The following GABRB1 variants were observed in gnomAD, a reference collection of about 807,000 sequenced individuals.
GABRB1 encodes the protein gamma-aminobutyric acid receptor subunit beta-1.
In GABRB1, 17 loss-of-function variants were observed where a neutral mutation model predicts 51.6. That is an observed-to-expected ratio of 0.33 (90% CI 0.23 to 0.49). The LOEUF (loss-of-function observed/expected upper bound fraction) is 0.49. Ranked by LOEUF, GABRB1 falls within the 20% of genes least tolerant of loss-of-function variation. The probability of loss-of-function intolerance (pLI) is 0.99; values close to 1 mark genes in which losing one functional copy is unlikely to be tolerated. For missense variants in GABRB1, 410 were observed against 600.6 expected, an observed-to-expected ratio of 0.68 and a Z score of 3.32; for synonymous variants, 247 against 218.9, an observed-to-expected ratio of 1.13 and a Z score of -1.14.
intron 4 of GABRB1, among the ~76,000 whole-genome samples, chr4:47,241,408 T>C (rs1721516266): frequency 6.6e-6 from 1 of 152,152 alleles, no homozygotes; most frequent in South Asian, 2.1e-4. Flanking sequence ...CCTTGTCATA[T>C]GACTGAGGAA....
intron 1 of GABRB1, among the ~76,000 whole-genome samples, chr4:47,019,629 T>TCTC (rs1560498125): frequency 0.026 from 754 of 29,322 alleles, 7 homozygotes; most frequent in East Asian, 0.094. Flanking sequence ...TTCTCTCTCT[T>TCTC]TCTTTCTTTC....
intron 1 of GABRB1, among the ~76,000 whole-genome samples, chr4:46,998,315 G>A (rs1371108441): frequency 6.6e-6 from 1 of 152,056 alleles, no homozygotes; most frequent in African/African-American, 2.4e-5. Flanking sequence ...GATCAAGTTG[G>A]ACATTAAGAC....
intron 3 of GABRB1, among the ~76,000 whole-genome samples, chr4:47,131,505 T>C (rs1716416576): frequency 6.6e-6 from 1 of 152,186 alleles, no homozygotes; most frequent in Non-Finnish European, 1.5e-5. Flanking sequence ...TAGATTGTAT[T>C]AGGTTGGTGC....
chr4:47,274,730 A>AAAG (rs1723017126), intron 4 of GABRB1, among the ~76,000 whole-genome samples: 3 of 152,142 alleles, frequency 2.0e-5, no homozygotes, highest in African/African-American at 4.8e-5. Flanking sequence ...GCTGCACTCC[A>AAAG]CTGGTTACTT....
At chr4:47,125,394 T>A (rs1202009906) in intron 3 of GABRB1, among the ~76,000 whole-genome samples, 1 of 151,852 alleles carries the variant, frequency 6.6e-6, no homozygotes, top group Non-Finnish European at 1.5e-5. Context: ...TACGAAAATA[T>A]AAAACTCATT....
chr4:47,256,865 TC>T, intron 4 of GABRB1, among the ~76,000 whole-genome samples: 1 of 152,254 alleles, frequency 6.6e-6, no homozygotes, highest in Middle Eastern at 3.4e-3. Flanking sequence ...TGGACACAAA[TC>T]CAAACCATAT....
chr4:47,293,550 A>G (rs898757462), intron 4 of GABRB1, among the ~76,000 whole-genome samples: 3 of 152,212 alleles, frequency 2.0e-5, no homozygotes, highest in Admixed American at 1.3e-4. Flanking sequence ...TGCAAAAGAT[A>G]TCTATAGATA....
At chr4:47,241,976 T>G (rs915194883) in intron 4 of GABRB1, among the ~76,000 whole-genome samples, 17 of 152,174 alleles carry the variant, frequency 1.1e-4, no homozygotes, top group African/African-American at 3.9e-4. Flanking sequence ...CATGTTGGTG[T>G]GCTGTACCCG....
chr4:47,211,797 C>T (rs1055654647), intron 4 of GABRB1, among the ~76,000 whole-genome samples: 5 of 152,058 alleles, frequency 3.3e-5, no homozygotes, highest in African/African-American at 4.8e-5. Flanking sequence ...TTCTGGCTTC[C>T]GGAGGCTGTC....
intron 3 of GABRB1, among the ~76,000 whole-genome samples, chr4:47,147,103 T>C (rs1406171522): frequency 2.0e-5 from 3 of 152,044 alleles, no homozygotes; most frequent in East Asian, 3.9e-4. Flanking sequence ...TAAGATAATA[T>C]AGTCTAAAAG....
At chr4:47,055,577 C>T (rs1010017474) in intron 3 of GABRB1, among the ~76,000 whole-genome samples, 1 of 152,158 alleles carries the variant, frequency 6.6e-6, no homozygotes, top group African/African-American at 2.4e-5. Flanking sequence ...AAACAGATCC[C>T]ACCATAGCAG....
At chr4:47,073,611 T>C (rs1000432769) in intron 3 of GABRB1, among the ~76,000 whole-genome samples, 9 of 152,186 alleles carry the variant, frequency 5.9e-5, no homozygotes, top group Non-Finnish European at 1.3e-4. Context: ...CTTTTGTCTA[T>C]ACTTTGAAGA....
chr4:47,295,197 G>A (rs1469138713), intron 4 of GABRB1, among the ~76,000 whole-genome samples: 1 of 152,216 alleles, frequency 6.6e-6, no homozygotes, highest in African/African-American at 2.4e-5. Flanking sequence ...AAAAAGCAGA[G>A]TGCCTCTCCT....
intron 1 of GABRB1, among the ~76,000 whole-genome samples, chr4:47,018,249 A>G (rs1038610618): frequency 6.7e-6 from 1 of 148,598 alleles, no homozygotes; most frequent in Non-Finnish European, 1.5e-5. Context: ...GTTGGTCTTG[A>G]ACTCCTGGCC....
intron 1 of GABRB1, among the ~76,000 whole-genome samples, chr4:47,024,735 T>A (rs1468172058): frequency 6.6e-6 from 1 of 151,428 alleles, no homozygotes; most frequent in East Asian, 1.9e-4. Context: ...GACCCTTTCC[T>A]TCTGAATCCC....
At chr4:47,054,865 G>A (rs866229574) in intron 3 of GABRB1, among the ~76,000 whole-genome samples, 3 of 152,290 alleles carry the variant, frequency 2.0e-5, no homozygotes, top group South Asian at 2.1e-4. Flanking sequence ...GATTACAGGC[G>A]TGAGCCACTG....
chr4:47,013,391 C>T (rs1724641188), intron 1 of GABRB1, among the ~76,000 whole-genome samples: 1 of 152,064 alleles, frequency 6.6e-6, no homozygotes, highest in Admixed American at 6.6e-5. Context: ...AACTCCTGAC[C>T]TCAGGTGATC....
chr4:47,425,480 T>TGATAGATA (rs3138735), intron 8 of GABRB1, among the ~76,000 whole-genome samples, 194 bp from the exon 9 acceptor site: 44,866 of 142,056 alleles, frequency 0.32, 7,322 homozygotes, highest in Admixed American at 0.37. Flanking sequence ...TGGATGATGA[T>TGATAGATA]GATAGATAGA....
chr4:47,125,539 G>A (rs1304545067), intron 3 of GABRB1, among the ~76,000 whole-genome samples: 2 of 144,792 alleles, frequency 1.4e-5, no homozygotes, highest in African/African-American at 5.0e-5. Flanking sequence ...GGTATCTCTA[G>A]ACACAACAAA....
Sources: gnomAD v4.1 joint callset for allele counts (sites outside exome capture counted in the v4.1 genomes callset) on GRCh38, gnomAD v4.1.1 for gene constraint, MANE v1.5 for transcripts, NCBI Gene and HGNC (gene_info 2026-07-23, HGNC 2026-07-21) for gene names.